The following XXYLT1 variants were observed in gnomAD, a reference collection of about 807,000 sequenced individuals.
The protein encoded by XXYLT1 is UDP-xylose:alpha-xyloside alpha-1,3-xylosyltransferase.
XXYLT1 carries 20 observed loss-of-function variants against 28.9 expected under a neutral mutation model. The observed-to-expected ratio is 0.69, with a 90% CI of 0.49 to 1.00. The LOEUF (loss-of-function observed/expected upper bound fraction) is 1.00. Among genes scored for constraint, XXYLT1 ranks in the 50% least tolerant of loss-of-function variants. The pLI is 0.00. For missense variants in XXYLT1, 542 were observed against 560.1 expected, an observed-to-expected ratio of 0.97 and a Z score of 0.33; for synonymous variants, 257 against 253.8, an observed-to-expected ratio of 1.01 and a Z score of -0.12.
At chr3:195,264,493 G>A (rs528214471) in intron 1 of XXYLT1, among the ~76,000 whole-genome samples, 6 of 152,210 alleles carry the variant, frequency 3.9e-5, no homozygotes, top group Non-Finnish European at 8.8e-5. Flanking sequence ...CGTGCACCAC[G>A]GCGAACAACT....
chr3:195,079,058 C>T (rs1715282882), intron 3 of XXYLT1, among the ~76,000 whole-genome samples: 2 of 152,208 alleles, frequency 1.3e-5, no homozygotes, highest in Non-Finnish European at 2.9e-5. Context: ...AAGCTCTGAC[C>T]CCTGCCCCCA....
Position 195,069,550 on chromosome 3 carries a change from TG to T in XXYLT1, c.*164del. The T allele has an allele frequency of 1.0e-6, 1 of 981,892 alleles. No individual in the cohort carries two copies. Among genetic ancestry groups the T allele is most frequent in the Non-Finnish European group, 1.5e-6 (1 of 673,666 alleles). The allele number at this position is 981,892 out of a possible 1,614,324, so 60.8% of individuals were successfully genotyped here. A position where few individuals can be genotyped will look rare whatever the true frequency, so the allele number is the denominator to read the frequency against. On this transcript the variant is annotated 3_prime_UTR_variant, in exon 4 of 4. Transcript: ENST00000310380. ...AGTGCACAGGCCAGTCCTTGGCGGG[TG>T]GCCTCAGCACAGTGACCTGCCCGGC...
chr3:195,251,536 C>G (rs184352623), intron 1 of XXYLT1, among the ~76,000 whole-genome samples: 1 of 152,204 alleles, frequency 6.6e-6, no homozygotes, highest in Non-Finnish European at 1.5e-5. Context: ...TGAGGGGCTG[C>G]TCCGCCTGCA....
intron 2 of XXYLT1, among the ~76,000 whole-genome samples, chr3:195,164,739 T>C (rs780883732): frequency 2.6e-5 from 4 of 152,248 alleles, no homozygotes; most frequent in Non-Finnish European, 5.9e-5. Flanking sequence ...ATGGCCAACC[T>C]CTTGTGTGAC....
At chr3:195,245,793 A>G (rs1724997497) in intron 1 of XXYLT1, among the ~76,000 whole-genome samples, 1 of 152,056 alleles carries the variant, frequency 6.6e-6, no homozygotes, top group South Asian at 2.1e-4. Flanking sequence ...CTGGTTGTAG[A>G]AAGAAGTGTG....
Position 195,176,706 on chromosome 3 carries a change from T to C in XXYLT1, c.653-20125A>G, listed in dbSNP as rs1046436822. Among the ~76,000 whole-genome samples, 2 of 152,190 alleles carry C rather than the reference T, an allele frequency of 1.3e-5. No homozygotes were observed. Among genetic ancestry groups the C allele is most frequent in the Admixed American group, 6.5e-5 (1 of 15,270 alleles). ...TCCCACACCACAGCTGGCACTCCCTTACGCTTACCTAAGGACTCTAAACAT... is the reference window on the plus strand; with the variant it reads ...TCCCACACCACAGCTGGCACTCCCTCACGCTTACCTAAGGACTCTAAACAT... On this transcript the variant is annotated intron_variant, in intron 2 of 3. Coordinates refer to ENST00000310380, the MANE Select transcript of XXYLT1 (RefSeq NM_152531.5). This position sits in a 1 kb window ranked among gnomAD's most constrained non-coding sequence, Gnocchi z 4.9.
Position 195,180,406 on chromosome 3 carries a change from C to T in XXYLT1, c.653-23825G>A. On this transcript the variant is annotated intron_variant, in intron 2 of 3. Transcript: ENST00000310380. The surrounding 1 kb of genome is among the most constrained non-coding windows in gnomAD (Gnocchi z 5.8). Reference sequence around the variant, plus strand: ...CAAGACACACTTCCTTCGGCTGCAGCCTCGCCGATTCCCGAGCTGTTTCCT... The same window carrying T: ...CAAGACACACTTCCTTCGGCTGCAGTCTCGCCGATTCCCGAGCTGTTTCCT... 1.0e-6 allele frequency: 1 copy of T among 985,674 alleles called. No homozygotes were observed. Among genetic ancestry groups the T allele is most frequent in the Non-Finnish European group, 1.2e-6 (1 of 830,116 alleles). The allele number at this position is 985,674 out of a possible 1,614,324, so 61.1% of individuals were successfully genotyped here.
chr3:195,203,852 C>T (rs1374329011), intron 2 of XXYLT1, among the ~76,000 whole-genome samples: 2 of 152,162 alleles, frequency 1.3e-5, no homozygotes, highest in African/African-American at 4.8e-5. Flanking sequence ...GTCAAGTCAG[C>T]CCCCGGAACA....
intron 3 of XXYLT1, among the ~76,000 whole-genome samples, chr3:195,100,214 T>C (rs1357936559): frequency 6.6e-6 from 1 of 152,146 alleles, no homozygotes; most frequent in Admixed American, 6.5e-5. Flanking sequence ...CCTTTATTCA[T>C]CCTCTGTGGA....
intron 2 of XXYLT1, among the ~76,000 whole-genome samples, chr3:195,200,580 C>T (rs1722810197): frequency 6.6e-6 from 1 of 152,168 alleles, no homozygotes; most frequent in South Asian, 2.1e-4. Flanking sequence ...AGGGCTTTGG[C>T]GACCAGGGTT....
rs182212597 is a variant in XXYLT1, at chr3:195,174,361, T to C, written c.653-17780A>G. On this transcript the variant is annotated intron_variant, in intron 2 of 3. Transcript: ENST00000310380. ...CAATTATACCTTTTTTTTTCTGAGA[T>C]AGGGTCTCCCTTGGTCACCCAGGCT... 1.6e-3 allele frequency among the ~76,000 whole-genome samples: 243 copies of C among 152,098 alleles called. 2 individuals carry two copies. Among genetic ancestry groups the C allele is most frequent in the African/African-American group, 5.5e-3 (227 of 41,502 alleles).
intron 2 of XXYLT1, among the ~76,000 whole-genome samples, chr3:195,169,873 T>A (rs555456479): frequency 0.033 from 4,925 of 149,370 alleles, 259 homozygotes; most frequent in African/African-American, 0.11. Flanking sequence ...ATATATATTT[T>A]TTTTTTTTTG....
chr3:195,201,391 G>A (rs921685578), intron 2 of XXYLT1, among the ~76,000 whole-genome samples: 1 of 152,232 alleles, frequency 6.6e-6, no homozygotes, highest in Non-Finnish European at 1.5e-5. Flanking sequence ...ACAGCTGCCT[G>A]TGTCTCTGGG....
intron 1 of XXYLT1, among the ~76,000 whole-genome samples, chr3:195,269,629 T>C (rs1725952132): frequency 6.6e-6 from 1 of 152,224 alleles, no homozygotes; most frequent in Admixed American, 6.5e-5. Flanking sequence ...TGTAGGATCC[T>C]GGCAACAGCT....
chr3:195,204,468 A>ACTCTCTCTCTCT (rs1316535464), intron 2 of XXYLT1, among the ~76,000 whole-genome samples: 1 of 114,750 alleles, frequency 8.7e-6, no homozygotes, highest in African/African-American at 3.8e-5. Context: ...ACACACACTC[A>ACTCTCTCTCTCT]CTCTCTCACT....
chr3:195,104,809 A>C (rs975501093), intron 3 of XXYLT1, among the ~76,000 whole-genome samples: 3 of 152,170 alleles, frequency 2.0e-5, no homozygotes, highest in Non-Finnish European at 4.4e-5. Flanking sequence ...AACAAAAAAA[A>C]CCCCACACCA....
intron 2 of XXYLT1, among the ~76,000 whole-genome samples, chr3:195,175,469 T>G (rs572636415): frequency 2.2e-4 from 34 of 152,216 alleles, no homozygotes; most frequent in Admixed American, 4.6e-4. Context: ...AAAGGGCACA[T>G]TTGGGGAGAG....
chr3:195,106,481 G>A (rs1238959734), intron 3 of XXYLT1, among the ~76,000 whole-genome samples: 1 of 152,224 alleles, frequency 6.6e-6, no homozygotes, highest in East Asian at 1.9e-4. Flanking sequence ...GCCTCACGGC[G>A]GTGTCTACGC....
chr3:195,103,103 C>T (rs77958041), intron 3 of XXYLT1, among the ~76,000 whole-genome samples: 4,481 of 152,318 alleles, frequency 0.029, 113 homozygotes, highest in Middle Eastern at 0.11. Context: ...CTGCACTGAA[C>T]GGGGAGAAGT....
Sources: allele counts gnomAD v4.1 joint callset (sites outside exome capture counted in the v4.1 genomes callset), GRCh38; gene constraint gnomAD v4.1.1; non-coding constraint Gnocchi (gnomAD v3.1); transcripts MANE v1.5; gene names NCBI Gene and HGNC (gene_info 2026-07-23, HGNC 2026-07-21).